The following SIPA1L1 variants were observed in gnomAD, a reference collection of about 807,000 sequenced individuals.
SIPA1L1 encodes signal-induced proliferation-associated 1-like protein 1.
Under a neutral mutation model 162.7 loss-of-function variants are expected in SIPA1L1, and 26 were observed. That is an observed-to-expected ratio of 0.16 (90% confidence interval 0.12 to 0.22). The LOEUF (loss-of-function observed/expected upper bound fraction) is 0.22. Among genes scored for constraint, SIPA1L1 ranks in the 10% least tolerant of loss-of-function variants. SIPA1L1 has a pLI of 1.00. For synonymous variants in SIPA1L1, 829 were observed against 837.4 expected (o/e 0.99, Z 0.17); for missense variants, 1,874 against 2,241.0 (o/e 0.84, Z 3.31).
At chr14:71,355,261 A>G (rs1218861502) in intron 2 of SIPA1L1, among the ~76,000 whole-genome samples, 1 of 152,200 alleles carries the variant, frequency 6.6e-6, no homozygotes, top group Non-Finnish European at 1.5e-5. Flanking sequence ...ATAGGACTTA[A>G]TCTTTATACC....
At position 71,595,027 on chromosome 14, in the gene SIPA1L1, A is replaced by G. The variant is rs868666884; in HGVS notation, c.1498+5657A>G. ...AAAGTCCCAGCGTGGCTCAGCTGCA[A>G]GCGTGGCTCAGCTGCACCCTGATCT... is the stretch of plus-strand genomic sequence containing the variant. On this transcript the variant is annotated intron_variant, in intron 5 of 23. Transcript: ENST00000381232. Among the ~76,000 whole-genome samples, 46 of 152,274 alleles carry G rather than the reference A, an allele frequency of 3.0e-4. No homozygotes were observed. The East Asian group carries it at 4.3e-3, about 14-fold the overall frequency.
At chr14:71,441,991 G>A (rs1012548485) in intron 2 of SIPA1L1, among the ~76,000 whole-genome samples, 6 of 151,686 alleles carry the variant, frequency 4.0e-5, no homozygotes, top group Non-Finnish European at 8.8e-5. Flanking sequence ...GGTCAGCAGG[G>A]TGAAACCTCG....
chr14:71,682,246 T>C (rs928427667), intron 12 of SIPA1L1, among the ~76,000 whole-genome samples: 5 of 152,226 alleles, frequency 3.3e-5, no homozygotes, highest in Admixed American at 6.5e-5. Context: ...TTGTAAGTTA[T>C]AGGTATTATT....
chr14:71,376,436 T>A (rs1039829290), intron 2 of SIPA1L1, among the ~76,000 whole-genome samples: 1 of 152,076 alleles, frequency 6.6e-6, no homozygotes, highest in Non-Finnish European at 1.5e-5. Context: ...TTGCCAGTAT[T>A]TAAAAATCAG....
At chr14:71,368,032 G>A (rs2038510159) in intron 2 of SIPA1L1, among the ~76,000 whole-genome samples, 1 of 149,536 alleles carries the variant, frequency 6.7e-6, no homozygotes, top group Non-Finnish European at 1.5e-5. Context: ...TTTTACTCAA[G>A]TCAGAATAGA....
intron 13 of SIPA1L1, among the ~76,000 whole-genome samples, chr14:71,687,389 T>C (rs1272464141): frequency 6.6e-6 from 1 of 152,194 alleles, no homozygotes; most frequent in Admixed American, 6.5e-5. Context: ...TTGGCCCACA[T>C]TTTGAAAGAT....
At chr14:71,413,398 T>G (rs2042543013) in intron 2 of SIPA1L1, among the ~76,000 whole-genome samples, 1 of 152,192 alleles carries the variant, frequency 6.6e-6, no homozygotes, top group Non-Finnish European at 1.5e-5. Context: ...AGCAAGAATT[T>G]GTTGTTTAAG....
At chr14:71,353,284 A>G (rs2036900616) in intron 2 of SIPA1L1, among the ~76,000 whole-genome samples, 2 of 152,230 alleles carry the variant, frequency 1.3e-5, no homozygotes, top group Non-Finnish European at 1.5e-5. Flanking sequence ...GGTCACAAAG[A>G]TAAGGATGAA....
chr14:71,585,645 T>C (rs2034499485), intron 4 of SIPA1L1, among the ~76,000 whole-genome samples: 1 of 152,206 alleles, frequency 6.6e-6, no homozygotes, highest in Non-Finnish European at 1.5e-5. Context: ...GTTTTTATCA[T>C]GGTGGGATTG....
chr14:71,390,985 A>G (rs1483463913), intron 2 of SIPA1L1, among the ~76,000 whole-genome samples: 1 of 151,920 alleles, frequency 6.6e-6, no homozygotes, highest in African/African-American at 2.4e-5. Context: ...TTCATCTGAC[A>G]TTTATTGAAC....
At chr14:71,571,207 GTCTC>G (rs2031938022) in intron 4 of SIPA1L1, among the ~76,000 whole-genome samples, 1 of 152,146 alleles carries the variant, frequency 6.6e-6, no homozygotes, top group South Asian at 2.1e-4. Context: ...GTTTTAAAAA[GTCTC>G]TCAAATACCT....
At chr14:71,327,080 CTT>C (rs532549428) in intron 2 of SIPA1L1, among the ~76,000 whole-genome samples, 25 of 127,692 alleles carry the variant, frequency 2.0e-4, no homozygotes, top group Middle Eastern at 4.3e-3. Flanking sequence ...TGATTGAAAT[CTT>C]TTTTTTTTTT....
chr14:71,528,488 C>T (rs1047919152), intron 3 of SIPA1L1, among the ~76,000 whole-genome samples: 1 of 151,834 alleles, frequency 6.6e-6, no homozygotes, highest in African/African-American at 2.4e-5. Flanking sequence ...AACCTTGTCT[C>T]TACTAAAAAT....
chr14:71,704,854 C>A, intron 15 of SIPA1L1: 1 of 1,023,156 alleles, frequency 9.8e-7, no homozygotes, highest in Non-Finnish European at 1.5e-6. Context: ...TAATGTAGAC[C>A]AAGCTAGGTT....
chr14:71,325,859 T>C (rs2033732661), intron 2 of SIPA1L1, among the ~76,000 whole-genome samples: 1 of 152,190 alleles, frequency 6.6e-6, no homozygotes, highest in Non-Finnish European at 1.5e-5. Flanking sequence ...TAAGTTGAAA[T>C]TGCGGGAAGC....
At chr14:71,325,382 C>G (rs186382736) in intron 2 of SIPA1L1, among the ~76,000 whole-genome samples, 1 of 152,190 alleles carries the variant, frequency 6.6e-6, no homozygotes, top group East Asian at 1.9e-4. Flanking sequence ...TTGATGAGCT[C>G]TGGAGTGAGT....
At chr14:71,330,101 G>A (rs1023646185) in intron 2 of SIPA1L1, among the ~76,000 whole-genome samples, 3 of 152,134 alleles carry the variant, frequency 2.0e-5, no homozygotes, top group African/African-American at 7.2e-5. Flanking sequence ...TCCTAACTAG[G>A]TTCCTCATGG....
chr14:71,355,362 T>C (rs1435067823), intron 2 of SIPA1L1, among the ~76,000 whole-genome samples: 1 of 152,230 alleles, frequency 6.6e-6, no homozygotes, highest in African/African-American at 2.4e-5. Flanking sequence ...AGTTGCCTGA[T>C]GTGTCTGTGG....
At chr14:71,671,834 A>T in intron 11 of SIPA1L1, 142 bp downstream of exon 11, 1 of 650,640 alleles carries the variant, frequency 1.5e-6, no homozygotes, top group Non-Finnish European at 2.6e-6. Context: ...AACAGAGTTT[A>T]TCTCATGCTT....
Sources: allele counts gnomAD v4.1 joint callset (sites outside exome capture counted in the v4.1 genomes callset), GRCh38; gene constraint gnomAD v4.1.1; transcripts MANE v1.5; gene names NCBI Gene and HGNC (gene_info 2026-07-23, HGNC 2026-07-21).